NAALADL2: variants seen among roughly 807,000 people sequenced by gnomAD.
NAALADL2 encodes N-acetylated alpha-linked acidic dipeptidase like 2.
In NAALADL2, 76 loss-of-function variants were observed where a neutral mutation model predicts 87.2. The observed-to-expected ratio is 0.87, with a 90% CI of 0.72 to 1.05. The LOEUF is 1.05. Among genes scored for constraint, NAALADL2 ranks in the 50% least tolerant of loss-of-function variants. NAALADL2 has a pLI of 0.00. For synonymous variants in NAALADL2, 354 were observed against 331.0 expected (o/e 1.07, Z -0.75); for missense variants, 1,089 against 945.8 (o/e 1.15, Z -1.99).
intron 1 of NAALADL2, among the ~76,000 whole-genome samples, chr3:175,045,266 G>A (rs1414841915): frequency 6.6e-6 from 1 of 152,110 alleles, no homozygotes; most frequent in African/African-American, 2.4e-5. Context: ...TCCACCCGAA[G>A]ACATGAATGT....
intron 1 of NAALADL2, among the ~76,000 whole-genome samples, chr3:175,007,318 G>C (rs1272758260): frequency 6.6e-6 from 1 of 152,132 alleles, no homozygotes; most frequent in East Asian, 1.9e-4. Context: ...AATGGTTGCA[G>C]TTGTGTTGAA....
At chr3:175,365,868 C>CT (rs1023617195) in intron 5 of NAALADL2, among the ~76,000 whole-genome samples, 2 of 146,578 alleles carry the variant, frequency 1.4e-5, no homozygotes, top group African/African-American at 4.9e-5. Flanking sequence ...ACTTTATTAT[C>CT]TTTTTTTAAT....
rs1044985907 is a variant in NAALADL2, at chr3:175,805,345, CCTT to C, written c.*2148_*2150del. 5 of 151,822 alleles carry C rather than the reference CCTT, an allele frequency of 3.3e-5. No individual in the cohort carries two copies. Among genetic ancestry groups the C allele is most frequent in the East Asian group, 1.9e-4 (1 of 5,182 alleles). 9.4% of individuals were successfully genotyped at this position (151,822 alleles called of 1,614,324 possible). A position where few individuals can be genotyped will look rare whatever the true frequency, so the allele number is the denominator to read the frequency against. ...GTAAGTCACACTGTATAGATAAAAA[CCTT>C]CTTCTGTATTCCTCACCTCTAAATT... On this transcript the variant is annotated 3_prime_UTR_variant, in exon 14 of 14. Coordinates refer to ENST00000454872, the MANE Select transcript of NAALADL2 (RefSeq NM_207015.3).
intron 3 of NAALADL2, among the ~76,000 whole-genome samples, chr3:174,786,199 A>C (rs1578921474): frequency 6.6e-6 from 1 of 152,100 alleles, no homozygotes; most frequent in Non-Finnish European, 1.5e-5. Flanking sequence ...GCCTGTAATC[A>C]CAGCACTTTG....
intron 1 of NAALADL2, among the ~76,000 whole-genome samples, chr3:174,907,270 A>G (rs1235369508): frequency 3.3e-5 from 5 of 152,080 alleles, no homozygotes; most frequent in African/African-American, 1.2e-4. Context: ...AGATCTAAAA[A>G]AAGAAGAAGA....
intron 2 of NAALADL2, among the ~76,000 whole-genome samples, chr3:174,703,718 G>T (rs766423198): frequency 1.1e-4 from 17 of 152,012 alleles, no homozygotes; most frequent in Non-Finnish European, 2.2e-4. Flanking sequence ...CCTCGTTAAG[G>T]TACAGTGCTT....
chr3:175,719,174 A>G (rs1351455078), intron 11 of NAALADL2, among the ~76,000 whole-genome samples: 2 of 151,920 alleles, frequency 1.3e-5, no homozygotes, highest in East Asian at 1.9e-4. Context: ...AACATCGGCA[A>G]TGTCTGGAGA....
At chr3:175,300,360 A>T (rs1226918312) in intron 4 of NAALADL2, among the ~76,000 whole-genome samples, 1 of 152,194 alleles carries the variant, frequency 6.6e-6, no homozygotes, top group Non-Finnish European at 1.5e-5. Flanking sequence ...TTTCAGAAGG[A>T]ATGGTACCAG....
At chr3:175,203,660 T>C (rs76176293) in intron 2 of NAALADL2, among the ~76,000 whole-genome samples, 12,996 of 152,166 alleles carry the variant, frequency 0.085, 1,391 homozygotes, top group African/African-American at 0.24. Context: ...CTGTCCACCA[T>C]GATAATCTCT....
intron 3 of NAALADL2, among the ~76,000 whole-genome samples, chr3:174,759,001 C>T (rs1712516697): frequency 6.6e-6 from 1 of 152,056 alleles, no homozygotes; most frequent in Non-Finnish European, 1.5e-5. Context: ...ATAATTATGC[C>T]AGCAAACATT....
intron 1 of NAALADL2, among the ~76,000 whole-genome samples, chr3:174,490,448 A>G (rs1398371098): frequency 1.3e-5 from 2 of 152,136 alleles, no homozygotes; most frequent in African/African-American, 2.4e-5. Context: ...TCTTTTTGAA[A>G]GAATGAAAAT....
Position 175,284,516 on chromosome 3 carries a change from TA to T in NAALADL2, c.939+27997del, listed in dbSNP as rs143256782. On this transcript the variant is annotated intron_variant, in intron 4 of 13. Coordinates refer to ENST00000454872, the MANE Select transcript of NAALADL2 (RefSeq NM_207015.3). ...GGATTATTTGTATGGAGGCCTGATT[TA>T]AAAAAAAAAATGAGCTCTTAGTTAG... Among the ~76,000 whole-genome samples, 757 of 147,684 alleles carry T rather than the reference TA, an allele frequency of 5.1e-3. 1 individual carries two copies. The highest frequency in any genetic ancestry group is 0.015 in the South Asian group (71 of 4,662).
intron 6 of NAALADL2, chr3:175,460,144 A>G (rs1161727714): frequency 2.2e-6 from 1 of 456,452 alleles, no homozygotes; most frequent in South Asian, 1.5e-5. Flanking sequence ...TTACCAACGG[A>G]TTGTTCAAAT....
intron 1 of NAALADL2, among the ~76,000 whole-genome samples, chr3:175,096,544 G>A (rs1236526865): frequency 6.9e-6 from 1 of 144,710 alleles, no homozygotes; most frequent in African/African-American, 2.6e-5. Flanking sequence ...GTGTAATTTT[G>A]TTTTCTCATA....
intron 5 of NAALADL2, among the ~76,000 whole-genome samples, chr3:175,445,021 C>A (rs1720468389): frequency 2.0e-5 from 3 of 152,168 alleles, no homozygotes; most frequent in African/African-American, 7.2e-5. Context: ...GCTCTGCGCC[C>A]TCTGAAGTCC....
intron 2 of NAALADL2, among the ~76,000 whole-genome samples, chr3:175,213,645 T>A (rs1273365287): frequency 6.6e-6 from 1 of 152,178 alleles, no homozygotes; most frequent in Non-Finnish European, 1.5e-5. Context: ...AACTGAGCAC[T>A]GGATGAGAAC....
intron 1 of NAALADL2, among the ~76,000 whole-genome samples, chr3:174,991,130 C>T (rs1329300907): frequency 2.0e-5 from 3 of 151,904 alleles, no homozygotes; most frequent in East Asian, 1.9e-4. Context: ...CAAAGAAGCA[C>T]AAAAATGATG....
rs376058817 is a variant in NAALADL2 at position 175,262,701 on chromosome 3, T to C, written c.939+6171T>C. On this transcript the variant is annotated intron_variant, in intron 4 of 13. Transcript: ENST00000454872. ...AAGAAGAGAAAGACACCTTTCCTAT[T>C]GAAGCTTTTGATACATCATAATTTT... Among the ~76,000 whole-genome samples, 16 of 151,778 alleles carry C rather than the reference T, an allele frequency of 1.1e-4. 1 individual carries two copies. In the East Asian group the frequency reaches 2.5e-3, roughly 24 times the overall value.
At chr3:174,966,079 C>A (rs982004656) in intron 1 of NAALADL2, among the ~76,000 whole-genome samples, 7 of 152,082 alleles carry the variant, frequency 4.6e-5, no homozygotes, top group African/African-American at 7.2e-5. Context: ...CTATCTTAGA[C>A]CAGATCATTA....
Sources: allele counts gnomAD v4.1 joint callset (sites outside exome capture counted in the v4.1 genomes callset), GRCh38; gene constraint gnomAD v4.1.1; transcripts MANE v1.5; gene names NCBI Gene and HGNC (gene_info 2026-07-23, HGNC 2026-07-21).